The following TBC1D5 variants were observed in gnomAD, a reference collection of about 807,000 sequenced individuals.
TBC1D5 encodes the protein TBC1 domain family member 5, also known as TBC1 domain family, member 5.
A neutral mutation model predicts 100.3 loss-of-function variants in TBC1D5; 75 were observed. That is an observed-to-expected ratio of 0.75 (90% CI 0.62 to 0.91). The LOEUF (loss-of-function observed/expected upper bound fraction) is 0.91. TBC1D5 is among the 40% of genes least tolerant of loss of function. The probability of loss-of-function intolerance (pLI) is 0.00; values close to 1 mark genes in which losing one functional copy is unlikely to be tolerated. For synonymous variants in TBC1D5, 323 were observed against 325.6 expected (o/e 0.99, Z 0.09); for missense variants, 910 against 942.4 (o/e 0.97, Z 0.45).
intron 13 of TBC1D5, among the ~76,000 whole-genome samples, chr3:17,371,213 TCTTA>T (rs2092437612): frequency 6.6e-6 from 1 of 152,096 alleles, no homozygotes; most frequent in African/African-American, 2.4e-5. Context: ...GAGGCATCTA[TCTTA>T]CTTACAGGAA....
At chr3:17,678,553 A>G (rs1344316391) in intron 1 of TBC1D5, among the ~76,000 whole-genome samples, 4 of 152,010 alleles carry the variant, frequency 2.6e-5, no homozygotes, top group African/African-American at 9.7e-5. Context: ...ATCAGAAAAG[A>G]CACTAAGAAG....
chr3:17,414,197 T>C (rs1461468655), intron 4 of TBC1D5, among the ~76,000 whole-genome samples: 2 of 152,126 alleles, frequency 1.3e-5, no homozygotes, highest in Non-Finnish European at 2.9e-5. Flanking sequence ...TGAAGCAGGA[T>C]TTAAGTAGGA....
At chr3:17,590,209 C>T (rs2096757761) in intron 2 of TBC1D5, among the ~76,000 whole-genome samples, 1 of 152,118 alleles carries the variant, frequency 6.6e-6, no homozygotes, top group Admixed American at 6.5e-5. Context: ...AAACAGAAAT[C>T]TGGAGAACAG....
chr3:17,548,276 C>T (rs1048753180), intron 2 of TBC1D5, among the ~76,000 whole-genome samples: 1 of 152,154 alleles, frequency 6.6e-6, no homozygotes, highest in Non-Finnish European at 1.5e-5. Flanking sequence ...GATCACACTA[C>T]TGCACTAAGG....
rs568575229 is a variant in TBC1D5, at chr3:17,454,409, A to T, written c.98-25890T>A. On this transcript the variant is annotated intron_variant, in intron 3 of 21. Coordinates refer to ENST00000253692, the Ensembl canonical transcript of TBC1D5. ...CAAAAAAAAACTAGTAGAACTGATA[A>T]ATTCATTTAAGTTGCAGGATACAAA... is the stretch of plus-strand genomic sequence containing the variant. 1.1e-4 allele frequency among the ~76,000 whole-genome samples: 16 copies of T among 152,324 alleles called. No homozygotes were observed. In the South Asian group the frequency reaches 3.3e-3, roughly 32 times the overall value.
In TBC1D5 at chr3:17,166,805, G is replaced by A. The variant is rs1435024870; in HGVS notation, c.2056C>T (p.Gln686Ter). 2 of 1,613,870 alleles carry A rather than the reference G, an allele frequency of 1.2e-6. No homozygotes were observed. Among genetic ancestry groups the A allele is most frequent in the African/African-American group, 1.3e-5 (1 of 74,922 alleles). The change falls in exon 21 of 22, where the codon CAA becomes TAA. Residue 686 changes from glutamine to a stop codon, truncating the protein, a stop_gained. Transcript: ENST00000253692. LOFTEE classifies it high-confidence loss of function. The stretch of plus-strand genomic sequence containing the variant: ...CCTGACATTTGAACGCTCTGGCCTT[G>A]GCCTCGGCCCTGGCCCTGGCCGCTG...
In TBC1D5 at chr3:17,725,135, T is replaced by C. The variant is rs900903477; in HGVS notation, c.-101+14208A>G. Among the ~76,000 whole-genome samples the C allele has an allele frequency of 1.4e-4, 21 of 152,318 alleles. 1 individual carries two copies. The highest frequency in any genetic ancestry group is 1.0e-3 in the South Asian group (5 of 4,824). On this transcript the variant is annotated intron_variant, in intron 1 of 21. Transcript: ENST00000253692. Reference sequence around the variant, plus strand: ...TGTCGTTTTTGCTGCCTCTTACTCATGGTATCATGTTTCCTTGTGTGCTTG... The same window carrying C: ...TGTCGTTTTTGCTGCCTCTTACTCACGGTATCATGTTTCCTTGTGTGCTTG...
intron 21 of TBC1D5, among the ~76,000 whole-genome samples, chr3:17,162,489 C>G (rs1575670807): frequency 6.6e-6 from 1 of 152,224 alleles, no homozygotes. Context: ...GATTCACCAA[C>G]CTTTAGGATA....
intron 14 of TBC1D5, among the ~76,000 whole-genome samples, chr3:17,302,382 C>G (rs77101387): frequency 1.1e-3 from 166 of 152,214 alleles, no homozygotes; most frequent in African/African-American, 3.9e-3. Context: ...TTAGTATGAC[C>G]TCATCTTAAC....
chr3:17,681,112 A>G (rs937099371), intron 1 of TBC1D5, among the ~76,000 whole-genome samples: 1 of 151,558 alleles, frequency 6.6e-6, no homozygotes, highest in Non-Finnish European at 1.5e-5. Flanking sequence ...GAGCCCACAC[A>G]TAAGACATAG....
intron 17 of TBC1D5, 83 bp downstream of exon 17, chr3:17,238,080 A>C: frequency 7.0e-7 from 1 of 1,435,960 alleles, no homozygotes. Context: ...CTATTCTAGG[A>C]GATTGGTTCC....
At chr3:17,591,255 A>AAC (rs2096768437) in intron 2 of TBC1D5, among the ~76,000 whole-genome samples, 2 of 127,118 alleles carry the variant, frequency 1.6e-5, no homozygotes, top group Non-Finnish European at 3.3e-5. Flanking sequence ...AAAAAAAAAA[A>AAC]AAAAAAAAAA....
chr3:17,162,293 C>G (rs1481994908), intron 21 of TBC1D5, among the ~76,000 whole-genome samples: 1 of 152,220 alleles, frequency 6.6e-6, no homozygotes, highest in Non-Finnish European at 1.5e-5. Flanking sequence ...CCTTGGGCCT[C>G]CAGACTGGCA....
intron 3 of TBC1D5, among the ~76,000 whole-genome samples, chr3:17,472,869 C>T (rs927664491): frequency 7.2e-5 from 11 of 152,166 alleles, no homozygotes; most frequent in Admixed American, 2.0e-4. Flanking sequence ...ATCTGATAGA[C>T]CTATTACATT....
intron 5 of TBC1D5, among the ~76,000 whole-genome samples, chr3:17,405,672 G>A (rs2093753266): frequency 6.6e-6 from 1 of 152,024 alleles, no homozygotes; most frequent in African/African-American, 2.4e-5. Context: ...TCTAAAAGAA[G>A]AAAAGTGTAT....
At chr3:17,523,565 A>G (rs2096088335) in intron 2 of TBC1D5, among the ~76,000 whole-genome samples, 1 of 152,200 alleles carries the variant, frequency 6.6e-6, no homozygotes, top group Non-Finnish European at 1.5e-5. Context: ...AACTCAAAAA[A>G]GATTGTTCTG....
chr3:17,719,917 T>C (rs1382856826), intron 1 of TBC1D5, among the ~76,000 whole-genome samples: 3 of 152,180 alleles, frequency 2.0e-5, no homozygotes, highest in African/African-American at 7.2e-5. Flanking sequence ...TATATCAACT[T>C]AGTATAATCC....
intron 3 of TBC1D5, among the ~76,000 whole-genome samples, chr3:17,471,435 C>T (rs1168220543): frequency 1.3e-5 from 2 of 151,870 alleles, no homozygotes; most frequent in African/African-American, 4.8e-5. Context: ...TTTTAGAAAA[C>T]AATCATAAGT....
chr3:17,322,834 A>T (rs531868032), intron 13 of TBC1D5, among the ~76,000 whole-genome samples: 14 of 152,354 alleles, frequency 9.2e-5, no homozygotes, highest in African/African-American at 3.4e-4. Context: ...TCAAGGTTTT[A>T]TAATGTTGGG....
Sources: gnomAD v4.1 joint callset for allele counts (sites outside exome capture counted in the v4.1 genomes callset) on GRCh38, gnomAD v4.1.1 for gene constraint, MANE v1.5 for transcripts, NCBI Gene and HGNC (gene_info 2026-07-23, HGNC 2026-07-21) for gene names.